Variants in CAND2 observed in about 807,000 individuals in gnomAD.
CAND2 encodes cullin-associated NEDD8-dissociated protein 2.
A neutral mutation model predicts 98.9 loss-of-function variants in CAND2; 62 were observed. The ratio of observed to expected loss-of-function variants is 0.63; its 90% confidence interval spans 0.51 to 0.77. The LOEUF is 0.77. CAND2 is among the 30% of genes least tolerant of loss of function. CAND2 has a pLI of 0.00. For missense variants in CAND2, 1,501 were observed against 1,655.2 expected (o/e 0.91, Z 1.62); for synonymous variants, 770 against 731.9 (o/e 1.05, Z -0.84).
In CAND2 at chr3:12,818,269, A is replaced by C. The variant is rs932818766; in HGVS notation, c.2944+393A>C. Among the ~76,000 whole-genome samples the C allele has an allele frequency of 5.9e-5, 9 of 151,950 alleles. No individual in the cohort carries two copies. In the South Asian group the frequency reaches 6.2e-4, roughly 10 times the overall value. ...GTGAGACCCTGCCTCTACCAAAAAA[A>C]AAAACAAAACAAAAAACCTCATGAT... On this transcript the variant is annotated intron_variant, in intron 10 of 14. Transcript: ENST00000456430.
rs996762339 is a variant in CAND2 at position 12,816,947 on chromosome 3, C to T, written c.2015C>T (p.Thr672Ile). The T allele has an allele frequency of 8.7e-6, 14 of 1,613,344 alleles. No individual in the cohort carries two copies. The highest frequency in any genetic ancestry group is 1.1e-5 in the Non-Finnish European group (13 of 1,179,950). Residue 672 changes from threonine to isoleucine, a missense_variant, in exon 10 of 15, where the codon ACA (threonine) becomes ATA (isoleucine). Transcript: ENST00000456430. ...RKNQRALRLA[T>I]LAALDALAQS... is the part of the protein sequence containing the mutation. Reference sequence around the variant, plus strand: ...AACCAGCGGGCTTTGCGACTGGCCACACTGGCAGCCCTGGACGCCCTGGCC... The same window carrying T: ...AACCAGCGGGCTTTGCGACTGGCCATACTGGCAGCCCTGGACGCCCTGGCC...
At chr3:12,827,823 GA>G (rs949631331) in intron 13 of CAND2, among the ~76,000 whole-genome samples, 22 of 150,008 alleles carry the variant, frequency 1.5e-4, no homozygotes, top group Admixed American at 7.9e-4. Flanking sequence ...ACAGCAACCA[GA>G]AAAAAAAAAT....
chr3:12,823,743 A>C (rs1364574032), intron 11 of CAND2, among the ~76,000 whole-genome samples: 5 of 151,020 alleles, frequency 3.3e-5, no homozygotes, highest in African/African-American at 1.2e-4. Flanking sequence ...AAAAAAAACA[A>C]CAAAAAAACG....
At chr3:12,830,766 A>G (rs1363110311) in intron 13 of CAND2, among the ~76,000 whole-genome samples, 1 of 152,218 alleles carries the variant, frequency 6.6e-6, no homozygotes, top group East Asian at 1.9e-4. Flanking sequence ...GCACAGGGTC[A>G]TGGAGTAGCC....
intron 1 of CAND2, among the ~76,000 whole-genome samples, chr3:12,802,358 G>C (rs1033983855): frequency 3.9e-5 from 6 of 152,106 alleles, no homozygotes; most frequent in Admixed American, 3.3e-4. Context: ...CAACCTTCTG[G>C]CATCACTTTC....
chr3:12,813,003 C>T lies in CAND2; in HGVS notation c.771C>T (p.Asp257=), dbSNP rs202085201. The change falls in exon 6 of 15, where the codon GAC becomes GAT. Residue 257 remains aspartate (D), a synonymous_variant. Coordinates refer to ENST00000456430, the MANE Select transcript of CAND2 (RefSeq NM_001162499.2). The part of the protein sequence containing the change: ...QAGHRLGAHL[D]RLVPLVEDFC... ...CTGGCCCTGCAGGGGCTCACCTGGA[C>T]CGCCTGGTGCCCCTGGTGGAGGATT... 1.4e-4 allele frequency: 228 copies of T among 1,573,334 alleles called. 3 individuals are homozygous for T. The African/African-American group carries it at 2.6e-3, about 18-fold the overall frequency.
At chr3:12,803,718 C>G in intron 2 of CAND2, 87 bp downstream of exon 2, 1 of 1,259,896 alleles carries the variant, frequency 7.9e-7, no homozygotes, top group Non-Finnish European at 1.1e-6. Context: ...GGGGTACAGC[C>G]TCGCAGAGGA....
chr3:12,800,821 C>T (rs559665193), intron 1 of CAND2, among the ~76,000 whole-genome samples: 1 of 151,914 alleles, frequency 6.6e-6, no homozygotes, highest in Admixed American at 6.6e-5. Context: ...CTCCTGGGTT[C>T]AAGTGATTCT....
At chr3:12,826,834 T>A (rs1211359639) in intron 12 of CAND2, among the ~76,000 whole-genome samples, 5 of 149,672 alleles carry the variant, frequency 3.3e-5, no homozygotes, top group African/African-American at 1.2e-4. Flanking sequence ...CATTTACTTT[T>A]TTTTTTTTTT....
At chr3:12,797,218 G>A (rs2061732562) in intron 1 of CAND2, among the ~76,000 whole-genome samples, 1 of 118,998 alleles carries the variant, frequency 8.4e-6, no homozygotes, top group Non-Finnish European at 1.7e-5. Context: ...GAAGCCCTAC[G>A]CCTCTCCCTG....
chr3:12,808,180 C>T (rs1443663883), intron 3 of CAND2, 30 bp from the exon 4 acceptor site: 16 of 1,549,696 alleles, frequency 1.0e-5, no homozygotes, highest in Non-Finnish European at 1.3e-5. Context: ...AGGCCAGGGC[C>T]TCACTGTGCC....
At chr3:12,818,117 A>G (rs1460113648) in intron 10 of CAND2, among the ~76,000 whole-genome samples, 2 of 152,182 alleles carry the variant, frequency 1.3e-5, no homozygotes, top group Non-Finnish European at 2.9e-5. Context: ...CCTACAACAA[A>G]TACATTTAAA....
In CAND2 at chr3:12,816,958, C is replaced by A; in HGVS notation, c.2026C>A (p.Leu676Met). 1 of 1,613,208 alleles carries A rather than the reference C, an allele frequency of 6.2e-7. No individual in the cohort carries two copies. Among genetic ancestry groups the A allele is most frequent in the Non-Finnish European group, 8.5e-7 (1 of 1,179,882 alleles). ...TTTGCGACTGGCCACACTGGCAGCC[C>A]TGGACGCCCTGGCCCAGAGCCAGGG... The part of the protein sequence containing the change: ...RALRLATLAA[L>M]DALAQSQGLS... Residue 676 changes from leucine (L) to methionine (M), a missense_variant, in exon 10 of 15, where the codon CTG becomes ATG. This residue lies in a region of CAND2 where 1,427 missense variants were observed against 1,545.3 expected (regional missense o/e 0.92). Transcript: ENST00000456430.
At chr3:12,831,381 T>C in intron 13 of CAND2, 84 bp from the exon 14 acceptor site, 2 of 1,055,564 alleles carry the variant, frequency 1.9e-6, no homozygotes, top group Non-Finnish European at 2.9e-6. Context: ...GTTTCAGTTG[T>C]GGGGCCTCTG....
At position 12,815,895 on chromosome 3, in the gene CAND2, G is replaced by A. The variant is rs372525688; in HGVS notation, c.1328G>A (p.Arg443Gln). The change falls in exon 9 of 15, where the codon CGG (arginine) becomes CAG (glutamine). Residue 443 changes from arginine (R) to glutamine (Q), a missense_variant. Around this residue, in one of 3 missense-constraint regions of CAND2, gnomAD observed 1,427 missense variants for 1,545.3 expected, o/e 0.92. Transcript: ENST00000456430. The surrounding 1 kb of genome is among the most constrained non-coding windows in gnomAD (Gnocchi z 5.7). ...CCCCTTGTGGTCAAGGCCCTGCAGC[G>A]GCAGCTTAAAGATCGGAGCGTCAGA... Reference protein sequence around the residue: ...QVPLVVKALQRQLKDRSVRAR... With the variant: ...QVPLVVKALQQQLKDRSVRAR... 23 of 1,613,632 alleles carry A rather than the reference G, an allele frequency of 1.4e-5. No homozygotes were observed. The highest frequency in any genetic ancestry group is 1.6e-4 in the Middle Eastern group (1 of 6,078).
chr3:12,807,438 G>C lies in CAND2; in HGVS notation c.345G>C (p.Ser115=). The change falls in exon 3 of 15, where the codon TCG becomes TCC. Residue 115 remains serine (S), a synonymous_variant. Transcript: ENST00000456430. The part of the protein sequence containing the change: ...IAGIGLKTVL[S]ELPPAATGSG... ...GCATTGGCCTCAAGACCGTCCTCTC[G>C]GAGCTCCCTCCTGCAGCCACAGGTA... 1 of 1,551,554 alleles carries C rather than the reference G, an allele frequency of 6.4e-7. No homozygotes were observed. The highest frequency in any genetic ancestry group is 8.7e-7 in the Non-Finnish European group (1 of 1,146,946).
intron 2 of CAND2, among the ~76,000 whole-genome samples, chr3:12,804,004 C>A (rs6796433): frequency 6.6e-6 from 1 of 151,996 alleles, no homozygotes; most frequent in Non-Finnish European, 1.5e-5. Flanking sequence ...GGTAAGGGAG[C>A]TGGGGTATTA....
intron 1 of CAND2, among the ~76,000 whole-genome samples, chr3:12,801,888 G>T (rs1320508054): frequency 6.6e-6 from 1 of 152,226 alleles, no homozygotes; most frequent in Non-Finnish European, 1.5e-5. Flanking sequence ...TGATTCTGAT[G>T]CTGGCTATAG....
intron 5 of CAND2, among the ~76,000 whole-genome samples, chr3:12,810,952 C>G (rs2061847300): frequency 1.3e-5 from 2 of 152,222 alleles, no homozygotes; most frequent in Non-Finnish European, 2.9e-5. Flanking sequence ...CTTTCTGTCA[C>G]TATAGATTAG....
Sources: allele counts gnomAD v4.1 joint callset (sites outside exome capture counted in the v4.1 genomes callset), GRCh38; gene constraint gnomAD v4.1.1; regional missense constraint gnomAD v4.1.1; non-coding constraint Gnocchi (gnomAD v3.1); transcripts MANE v1.5; gene names NCBI Gene and HGNC (gene_info 2026-07-23, HGNC 2026-07-21).